Variants in ATP8A2 observed in about 807,000 individuals in gnomAD.
ATP8A2 encodes phospholipid-transporting ATPase IB.
Under a neutral mutation model 165.6 loss-of-function variants are expected in ATP8A2, and 100 were observed. The observed-to-expected ratio is 0.60, with a 90% CI of 0.51 to 0.71. ATP8A2 has a LOEUF of 0.71. Ranked by LOEUF, ATP8A2 falls within the 30% of genes least tolerant of loss-of-function variation. ATP8A2 has a pLI of 0.00. For missense variants in ATP8A2, 1,227 were observed against 1,479.5 expected (o/e 0.83, Z 2.80); for synonymous variants, 543 against 548.8 (o/e 0.99, Z 0.15).
At chr13:25,805,077 A>C (rs930059385) in intron 27 of ATP8A2, among the ~76,000 whole-genome samples, 2 of 152,172 alleles carry the variant, frequency 1.3e-5, no homozygotes, top group African/African-American at 4.8e-5. Flanking sequence ...TGCTTTGCTA[A>C]GAGTTTTGTT....
intron 35 of ATP8A2, among the ~76,000 whole-genome samples, chr13:25,986,443 A>G (rs1298642688): frequency 6.6e-6 from 1 of 152,212 alleles, no homozygotes; most frequent in Admixed American, 6.5e-5. Context: ...TTCACATACA[A>G]GTCAGATCAT....
intron 35 of ATP8A2, among the ~76,000 whole-genome samples, chr13:25,992,920 T>A (rs1361093069): frequency 6.8e-6 from 1 of 146,684 alleles, no homozygotes; most frequent in Non-Finnish European, 1.5e-5. Context: ...TTCCCACCTA[T>A]GAGTGAGAAT....
Position 25,394,039 on chromosome 13 carries a change from A to G in ATP8A2, c.76+21751A>G, listed in dbSNP as rs569790096. Among the ~76,000 whole-genome samples the G allele has an allele frequency of 2.2e-3, 334 of 152,340 alleles. 2 individuals are homozygous for G. Among genetic ancestry groups the G allele is most frequent in the African/African-American group, 7.4e-3 (309 of 41,584 alleles). Reference sequence around the variant, plus strand: ...CTGCCTAGCTTTTGATAGTTATTCTATAAGTACTGTTTTATTGTCCTGGTT... The same window carrying G: ...CTGCCTAGCTTTTGATAGTTATTCTGTAAGTACTGTTTTATTGTCCTGGTT... On this transcript the variant is annotated intron_variant, in intron 1 of 36. Transcript: ENST00000381655.
In ATP8A2 at chr13:25,469,011, A is replaced by G; in HGVS notation, c.111A>G (p.Ala37=). The change falls in exon 2 of 37, where the codon GCA becomes GCG. Residue 37 remains alanine, a synonymous_variant. Coordinates refer to ENST00000381655, the MANE Select transcript of ATP8A2 (RefSeq NM_016529.6). ...GTTCTTCTTTGGGCTATAAGAAGGC[A>G]GAGGATGAGATGTCCCGGGCCACGT... ...PVRSSLGYKK[A]EDEMSRATSV... is the part of the protein sequence containing the mutation. 3 of 1,614,044 alleles carry G rather than the reference A, an allele frequency of 1.9e-6. No homozygotes were observed. The highest frequency in any genetic ancestry group is 2.5e-6 in the Non-Finnish European group (3 of 1,179,900).
rs912933164 is a variant in ATP8A2 at position 25,774,898 on chromosome 13, A to G, written c.2618A>G (p.Asn873Ser). The G allele has an allele frequency of 6.2e-7, 1 of 1,614,036 alleles. No individual in the cohort carries two copies. The highest frequency in any genetic ancestry group is 1.1e-5 in the South Asian group (1 of 91,074). ...LLLVHGAWSY[N>S]RVTKCILYCF... ...TTGGTTCATGGAGCCTGGAGCTACA[A>G]CCGGGTGACCAAGTGCATCTTGTAC... The change falls in exon 27 of 37, where the codon AAC (asparagine) becomes AGC (serine). Residue 873 changes from asparagine to serine, a missense_variant. This residue lies in a region of ATP8A2 where 592 missense variants were observed against 785.6 expected (regional missense o/e 0.75). Transcript: ENST00000381655.
intron 24 of ATP8A2, among the ~76,000 whole-genome samples, chr13:25,616,326 C>CTTTTTTTTTTTTTTTTTT (rs535891442): frequency 2.2e-4 from 23 of 106,750 alleles, no homozygotes; most frequent in East Asian, 5.1e-4. Flanking sequence ...TTCTTTCTTT[C>CTTTTTTTTTTTTTTTTTT]TTTTTTTTTT....
chr13:25,728,887 T>C (rs1297062330), intron 25 of ATP8A2, among the ~76,000 whole-genome samples: 1 of 152,210 alleles, frequency 6.6e-6, no homozygotes, highest in Non-Finnish European at 1.5e-5. Context: ...AGTTCTCATA[T>C]GCGTGCTCCT....
chr13:25,978,727 G>A (rs560169023), intron 35 of ATP8A2, among the ~76,000 whole-genome samples: 28 of 152,174 alleles, frequency 1.8e-4, no homozygotes, highest in Non-Finnish European at 3.8e-4. Flanking sequence ...GGATCACGAG[G>A]TCAGGAATTC....
chr13:25,701,950 A>G (rs1456113426), intron 25 of ATP8A2, among the ~76,000 whole-genome samples: 6 of 152,182 alleles, frequency 3.9e-5, no homozygotes, highest in African/African-American at 1.4e-4. Flanking sequence ...AGGATAGTGC[A>G]TCATTTTCCT....
Position 25,531,245 on chromosome 13 carries a change from T to TTATATATGATATATGTTATATATGA in ATP8A2, c.420+599_420+600insGTTATATATGATATATATGATATAT, listed in dbSNP as rs1566229065. Among the ~76,000 whole-genome samples the TTATATATGATATATGTTATATATGA allele has an allele frequency of 2.5e-3, 229 of 90,484 alleles. 4 individuals carry two copies. Among genetic ancestry groups the TTATATATGATATATGTTATATATGA allele is most frequent in the African/African-American group, 9.6e-3 (224 of 23,384 alleles). 59.4% of individuals were successfully genotyped at this position (90,484 alleles called of 152,430 possible). A position where few individuals can be genotyped will look rare whatever the true frequency, so the allele number is the denominator to read the frequency against. On this transcript the variant is annotated intron_variant, in intron 4 of 36. Transcript: ENST00000381655. ...ATATATGTTATATATGATATATATGTTATATATGATATATATGATATATAT... is the reference window on the plus strand; with the variant it reads ...ATATATGTTATATATGATATATATGTTATATATGATATATGTTATATATGATATATATGATATATATGATATATAT...
At chr13:25,959,473 G>A (rs1249601862) in intron 33 of ATP8A2, among the ~76,000 whole-genome samples, 2 of 152,152 alleles carry the variant, frequency 1.3e-5, no homozygotes, top group African/African-American at 2.4e-5. Flanking sequence ...ATACCAAAAC[G>A]AGACTACAAA....
intron 28 of ATP8A2, among the ~76,000 whole-genome samples, chr13:25,831,518 A>G (rs966839082): frequency 1.3e-5 from 2 of 152,066 alleles, no homozygotes; most frequent in African/African-American, 4.8e-5. Context: ...CAGCCTCTCA[A>G]ACTAATTTTC....
At chr13:25,393,764 G>T (rs1240812977) in intron 1 of ATP8A2, among the ~76,000 whole-genome samples, 1 of 152,174 alleles carries the variant, frequency 6.6e-6, no homozygotes, top group African/African-American at 2.4e-5. Context: ...AGCATCTTAG[G>T]AATCTGAGGT....
At chr13:25,381,338 T>G (rs1566091867) in intron 1 of ATP8A2, among the ~76,000 whole-genome samples, 1 of 152,162 alleles carries the variant, frequency 6.6e-6, no homozygotes, top group East Asian at 1.9e-4. Flanking sequence ...CTGCACATTT[T>G]CTCCATAACA....
chr13:25,549,443 C>T (rs1472354044), intron 10 of ATP8A2, among the ~76,000 whole-genome samples: 3 of 142,560 alleles, frequency 2.1e-5, no homozygotes, highest in African/African-American at 5.4e-5. Flanking sequence ...CTGGGCAACA[C>T]GGTGAGACTC....
intron 33 of ATP8A2, among the ~76,000 whole-genome samples, chr13:25,903,156 G>A (rs1330539679): frequency 1.3e-5 from 2 of 151,872 alleles, no homozygotes; most frequent in East Asian, 1.9e-4. Context: ...AAAAATTCCG[G>A]TCTCCTGCCA....
chr13:25,513,930 A>G (rs2037374141), intron 2 of ATP8A2, among the ~76,000 whole-genome samples: 1 of 141,096 alleles, frequency 7.1e-6, no homozygotes, highest in Non-Finnish European at 1.5e-5. Context: ...TTGGCTCGGC[A>G]TCAGAGGGAG....
chr13:25,477,330 T>C (rs1220983964), intron 2 of ATP8A2, among the ~76,000 whole-genome samples: 1 of 152,236 alleles, frequency 6.6e-6, no homozygotes, highest in Non-Finnish European at 1.5e-5. Flanking sequence ...CTTGGAAGCA[T>C]TTATGATTTT....
chr13:25,772,950 G>A (rs1354160871), intron 26 of ATP8A2, among the ~76,000 whole-genome samples: 5 of 151,912 alleles, frequency 3.3e-5, no homozygotes, highest in Non-Finnish European at 7.4e-5. Flanking sequence ...AGCAGAGACG[G>A]CGTTTCACCA....
Sources: allele counts gnomAD v4.1 joint callset (sites outside exome capture counted in the v4.1 genomes callset), GRCh38; gene constraint gnomAD v4.1.1; regional missense constraint gnomAD v4.1.1; transcripts MANE v1.5; gene names NCBI Gene and HGNC (gene_info 2026-07-23, HGNC 2026-07-21).